The following RPH3AL variants were observed in gnomAD, a reference collection of about 807,000 sequenced individuals.
RPH3AL encodes rab effector Noc2.
RPH3AL carries 38 observed loss-of-function variants against 43.1 expected under a neutral mutation model. The ratio of observed to expected loss-of-function variants is 0.88; its 90% CI spans 0.68 to 1.15. The LOEUF (loss-of-function observed/expected upper bound fraction) is 1.15, where lower values mean the gene tolerates loss of function less well. Ranked by LOEUF, RPH3AL falls within the 50% of genes most tolerant of loss-of-function variation. The pLI, the probability that RPH3AL is intolerant of heterozygous loss-of-function variation, is 0.00. For synonymous variants in RPH3AL, 189 were observed against 176.3 expected (o/e 1.07, Z -0.57); for missense variants, 462 against 423.2 (o/e 1.09, Z -0.81).
chr17:219,745 G>C lies in RPH3AL; in HGVS notation c.614-9C>G, dbSNP rs147489775. The C allele has an allele frequency of 3.7e-5, 60 of 1,605,856 alleles. No individual in the cohort carries two copies. Among genetic ancestry groups the C allele is most frequent in the Admixed American group, 1.7e-5 (1 of 59,976 alleles). On this transcript the variant is annotated splice_polypyrimidine_tract_variant and intron_variant, in intron 7 of 9. Coordinates refer to ENST00000331302, the MANE Select transcript of RPH3AL (RefSeq NM_006987.4). ...ACTGTCACTGGAAACCACTGGAAGAGACAGACCACAGCACAGGAGGTCACC... is the reference window on the plus strand; with the variant it reads ...ACTGTCACTGGAAACCACTGGAAGACACAGACCACAGCACAGGAGGTCACC...
At chr17:332,279 C>CGT (rs34491858) in intron 2 of RPH3AL, 121,845 of 255,510 alleles carry the variant, frequency 0.48, 30,178 homozygotes, top group East Asian at 0.72. Context: ...GAAGGAGGAG[C>CGT]GTGTGTGTGT....
At chr17:280,484 G>C (rs543107384) in intron 6 of RPH3AL, among the ~76,000 whole-genome samples, 1 of 152,300 alleles carries the variant, frequency 6.6e-6, no homozygotes, top group African/African-American at 2.4e-5. Flanking sequence ...CACAAACCCA[G>C]GATGCCTGGC....
chr17:302,378 C>T (rs2043350855), intron 5 of RPH3AL, among the ~76,000 whole-genome samples: 1 of 152,198 alleles, frequency 6.6e-6, no homozygotes, highest in Non-Finnish European at 1.5e-5. Context: ...CACCCCGCCC[C>T]ACCCACTACG....
chr17:239,981 T>C (rs1057150734), intron 7 of RPH3AL, among the ~76,000 whole-genome samples: 1 of 152,198 alleles, frequency 6.6e-6, no homozygotes. Context: ...CTCACGCCTC[T>C]AATCCTAGCA....
chr17:292,409 C>T (rs549252934), intron 5 of RPH3AL, among the ~76,000 whole-genome samples: 16 of 152,332 alleles, frequency 1.1e-4, no homozygotes, highest in African/African-American at 2.6e-4. Context: ...TATACTTTCT[C>T]GGGTACTTAT....
At chr17:340,394 A>C in intron 1 of RPH3AL, among the ~76,000 whole-genome samples, 1 of 150,796 alleles carries the variant, frequency 6.6e-6, no homozygotes, top group Non-Finnish European at 1.5e-5. Flanking sequence ...CCCCACATCC[A>C]CACTCACTGC....
In RPH3AL at chr17:328,684, G is replaced by A. The variant is rs749261498; in HGVS notation, c.-36-1105C>T. Among the ~76,000 whole-genome samples the A allele has an allele frequency of 6.6e-6, 1 of 151,818 alleles. No homozygotes were observed. The highest frequency in any genetic ancestry group is 1.5e-5 in the Non-Finnish European group (1 of 68,032). ...ATCAACTGATGAATGAGGAAAATGT[G>A]CTATATCCATACGATGATTATTATT... On this transcript the variant is annotated intron_variant, in intron 2 of 9. Transcript: ENST00000331302. The surrounding 1 kb of genome is among the most constrained non-coding windows in gnomAD (Gnocchi z 4.2).
Position 213,776 on chromosome 17 carries a change from G to C in RPH3AL, c.*76C>G. 8.2e-7 allele frequency: 1 copy of C among 1,216,600 alleles called. No homozygotes were observed. Among genetic ancestry groups the C allele is most frequent in the Non-Finnish European group, 1.2e-6 (1 of 834,348 alleles). The allele number at this position is 1,216,600 out of a possible 1,614,324, so 75.4% of individuals were successfully genotyped here. A position where few individuals can be genotyped will look rare whatever the true frequency, so the allele number is the denominator to read the frequency against. ...AACAGGGTGTCTGGTGAGGGCACAA[G>C]GACCGGTCAGGGAGGAGCCGGGCAG... On this transcript the variant is annotated 3_prime_UTR_variant, in exon 10 of 10. Coordinates refer to ENST00000331302, the MANE Select transcript of RPH3AL (RefSeq NM_006987.4).
rs780749348 is a variant in RPH3AL at position 247,275 on chromosome 17, C to G, written c.449G>C (p.Arg150Thr). ...ICSEQREVWK[R>T]SGAWFYKGLP... is the part of the protein sequence containing the mutation. The stretch of plus-strand genomic sequence containing the variant: ...CCCTTTGTAGAACCAGGCCCCCGAC[C>G]TCTTCCAGACCTGAGTGGGGGAAGA... Residue 150 changes from arginine (R) to threonine (T), a missense_variant, in exon 7 of 10, where the codon AGG (arginine) becomes ACG (threonine). Coordinates refer to ENST00000331302, the MANE Select transcript of RPH3AL (RefSeq NM_006987.4). 8 of 1,585,932 alleles carry G rather than the reference C, an allele frequency of 5.0e-6. No homozygotes were observed. In the Admixed American group the frequency reaches 1.2e-4, roughly 24 times the overall value.
intron 7 of RPH3AL, among the ~76,000 whole-genome samples, chr17:244,078 C>T (rs907068100): frequency 9.9e-5 from 15 of 150,816 alleles, no homozygotes; most frequent in Non-Finnish European, 2.1e-4. Context: ...TGATCACCTT[C>T]CTCTATTGAT....
At chr17:281,671 C>A in intron 6 of RPH3AL, 97 bp downstream of exon 6, 1 of 597,450 alleles carries the variant, frequency 1.7e-6, no homozygotes. Flanking sequence ...CCAGCCCGCC[C>A]AGCCCTCCCC....
chr17:277,766 G>A (rs1342820958), intron 6 of RPH3AL, among the ~76,000 whole-genome samples: 2 of 152,018 alleles, frequency 1.3e-5, no homozygotes, highest in African/African-American at 4.8e-5. Flanking sequence ...GACCAGCCTG[G>A]GCAACATGGC....
chr17:333,527 C>T lies in RPH3AL; in HGVS notation c.-37+232G>A, dbSNP rs2044858893. ...GGTTTTTTAAACCACCTTGTGCTTTCCCACAGTATTAAAGTTCTTTAAAAA... is the reference window on the plus strand; with the variant it reads ...GGTTTTTTAAACCACCTTGTGCTTTTCCACAGTATTAAAGTTCTTTAAAAA... On this transcript the variant is annotated intron_variant, in intron 2 of 9. Transcript: ENST00000331302. This position sits in a 1 kb window ranked among gnomAD's most constrained non-coding sequence, Gnocchi z 4.5. 2 of 329,614 alleles carry T rather than the reference C, an allele frequency of 6.1e-6. No individual in the cohort carries two copies. Among genetic ancestry groups the T allele is most frequent in the Non-Finnish European group, 1.2e-5 (2 of 165,164 alleles). The allele number at this position is 329,614 out of a possible 1,614,324, so 20.4% of individuals were successfully genotyped here.
chr17:227,775 C>T (rs969528445), intron 7 of RPH3AL, among the ~76,000 whole-genome samples: 1 of 152,166 alleles, frequency 6.6e-6, no homozygotes, highest in African/African-American at 2.4e-5. Context: ...TGGAGGCTCC[C>T]AAAGCCCCCA....
At chr17:338,682 A>G (rs1349572019) in intron 1 of RPH3AL, 1 of 152,218 alleles carries the variant, frequency 6.6e-6, no homozygotes, top group Non-Finnish European at 1.5e-5. Flanking sequence ...TTAATGCAGA[A>G]ACGCAGGCCT....
intron 6 of RPH3AL, among the ~76,000 whole-genome samples, chr17:261,454 C>T (rs2042192925): frequency 6.6e-6 from 1 of 152,206 alleles, no homozygotes; most frequent in African/African-American, 2.4e-5. Context: ...CTGGATCAGC[C>T]AGCCCCTTGA....
chr17:271,363 G>T (rs977123016), intron 6 of RPH3AL, among the ~76,000 whole-genome samples: 2 of 152,118 alleles, frequency 1.3e-5, no homozygotes, highest in Non-Finnish European at 2.9e-5. Flanking sequence ...AAATTACCTT[G>T]GGCAGTATGG....
chr17:324,266 C>A (rs1309065901), intron 3 of RPH3AL, among the ~76,000 whole-genome samples: 1 of 152,194 alleles, frequency 6.6e-6, no homozygotes, highest in Non-Finnish European at 1.5e-5. Flanking sequence ...GCCTCCGCAC[C>A]CACGTTCCTG....
intron 5 of RPH3AL, among the ~76,000 whole-genome samples, chr17:302,220 G>T (rs1456191553): frequency 6.6e-6 from 1 of 152,258 alleles, no homozygotes; most frequent in Non-Finnish European, 1.5e-5. Context: ...ACCGCAGGCA[G>T]GCCCGAGAGA....
Sources: gnomAD v4.1 joint callset for allele counts (sites outside exome capture counted in the v4.1 genomes callset) on GRCh38, gnomAD v4.1.1 for gene constraint, Gnocchi (gnomAD v3.1) non-coding constraint, MANE v1.5 for transcripts, NCBI Gene and HGNC (gene_info 2026-07-23, HGNC 2026-07-21) for gene names.